Variants in ADGRG4 observed in about 807,000 individuals in gnomAD.
ADGRG4 encodes G protein-coupled receptor 112.
ADGRG4 carries 122 observed loss-of-function variants against 126.2 expected under a neutral mutation model. That is an observed-to-expected ratio of 0.97 (90% CI 0.83 to 1.12). ADGRG4 has a LOEUF of 1.12. Ranked by LOEUF, ADGRG4 falls within the 50% of genes most tolerant of loss-of-function variation. ADGRG4 has a pLI of 0.00. For missense variants in ADGRG4, 2,481 were observed against 2,251.8 expected (o/e 1.10, Z -2.06); for synonymous variants, 943 against 838.7 (o/e 1.12, Z -2.15).
intron 5 of ADGRG4, among the ~76,000 whole-genome samples, chrX:136,332,112 G>A (rs1263583646): frequency 1.9e-5 from 2 of 107,420 alleles, no homozygotes; most frequent in African/African-American, 3.4e-5. Context: ...ACACTAACTC[G>A]TCATCTAGCA....
chrX:136,325,998 AATGCACCCGGCCTCTTTC>A (rs2074870544), intron 5 of ADGRG4, among the ~76,000 whole-genome samples: 1 of 112,282 alleles, frequency 8.9e-6, no homozygotes, highest in Non-Finnish European at 1.9e-5. Context: ...GGCGTGAGCC[AATGCACCCGGCCTCTTTC>A]ATACACTTTT....
At chrX:136,320,239 T>C (rs1267940158) in intron 4 of ADGRG4, among the ~76,000 whole-genome samples, 2 of 112,420 alleles carry the variant, frequency 1.8e-5, no homozygotes, top group African/African-American at 6.5e-5. Context: ...TGGCAATAAA[T>C]ATCATTGTAC....
At position 136,405,917 on chromosome X, in the gene ADGRG4, G is replaced by C. The variant is rs751804465; in HGVS notation, c.8880G>C (p.Trp2960Cys). 2 of 1,161,849 alleles carry C rather than the reference G, an allele frequency of 1.7e-6. No individual in the cohort carries two copies. The highest frequency in any genetic ancestry group is 4.9e-5 in the Admixed American group (2 of 40,419). ...CCTGGGGGTTTGCATTTTTTGCTTG[G>C]GGACCCATGAGGAACTTTTTCTTGT... is the stretch of plus-strand genomic sequence containing the variant. ...GLTWGFAFFA[W>C]GPMRNFFLYL... Residue 2960 changes from tryptophan (W) to cysteine (C), a missense_variant, in exon 23 of 26, where the codon TGG becomes TGC. By Grantham distance (215) the Trp-to-Cys change is radical. Coordinates refer to ENST00000394143, the MANE Select transcript of ADGRG4 (RefSeq NM_153834.4).
At chrX:136,344,101 T>A (rs966470208) in intron 5 of ADGRG4, among the ~76,000 whole-genome samples, 1 of 112,039 alleles carries the variant, frequency 8.9e-6, no homozygotes, top group African/African-American at 3.2e-5. Context: ...CTAATCTTCT[T>A]AATCAATGCA....
intron 21 of ADGRG4, among the ~76,000 whole-genome samples, chrX:136,402,013 A>AT (rs1399477444): frequency 1.8e-5 from 2 of 112,335 alleles, no homozygotes; most frequent in Non-Finnish European, 3.8e-5. Flanking sequence ...ATGTGGATAC[A>AT]TGCACGGTCA....
chrX:136,380,132 G>T (rs2148486023), intron 15 of ADGRG4, among the ~76,000 whole-genome samples: 1 of 104,197 alleles, frequency 9.6e-6, no homozygotes, highest in African/African-American at 3.5e-5. Flanking sequence ...TGAAGTATAT[G>T]GTATGTGAGT....
At chrX:136,372,528 C>T (rs928902660) in intron 14 of ADGRG4, among the ~76,000 whole-genome samples, 2 of 111,946 alleles carry the variant, frequency 1.8e-5, no homozygotes, top group Non-Finnish European at 3.8e-5. Flanking sequence ...CTTTCCATTA[C>T]ACGTAGAATA....
At chrX:136,326,569 G>C (rs5929752) in intron 5 of ADGRG4, among the ~76,000 whole-genome samples, 45,844 of 110,200 alleles carry the variant, frequency 0.42, 7,055 homozygotes, top group Middle Eastern at 0.55. Context: ...TGTCTTAGAA[G>C]CTTCCTTTGG....
At position 136,393,580 on chromosome X, in the gene ADGRG4, A is replaced by G. The variant is rs1450064904; in HGVS notation, c.8080A>G (p.Asn2694Asp). Residue 2694 changes from asparagine to aspartate, a missense_variant and splice_region_variant, in exon 18 of 26, where the codon AAT becomes GAT. Physicochemically the swap from Asn to Asp is conservative, Grantham distance 23. Coordinates refer to ENST00000394143, the MANE Select transcript of ADGRG4 (RefSeq NM_153834.4). ...TGCCTTTTGGGATTTTGAGAATAAT[A>G]GTAAGTATTTTTGTTAGCAACTTTG... Reference protein sequence around the residue: ...HCAFWDFENNNGLGGWNSSGC... With the variant: ...HCAFWDFENNDGLGGWNSSGC... The G allele has an allele frequency of 8.4e-7, 1 of 1,194,450 alleles. No individual in the cohort carries two copies. The highest frequency in any genetic ancestry group is 3.0e-5 in the East Asian group (1 of 33,682).
At chrX:136,397,809 T>C in intron 19 of ADGRG4, 72 bp from the exon 20 acceptor site, 2 of 1,059,149 alleles carry the variant, frequency 1.9e-6, no homozygotes, top group Non-Finnish European at 2.6e-6. Context: ...TTCCTGTTAG[T>C]GAACACTGGA....
rs181211443 is a variant in ADGRG4, at chrX:136,322,512, T to C, written c.71-266T>C. Among the ~76,000 whole-genome samples the C allele has an allele frequency of 1.3e-4, 15 of 111,793 alleles. No homozygotes were observed. The East Asian group carries it at 3.7e-3, about 27-fold the overall frequency. On this transcript the variant is annotated intron_variant, in intron 4 of 25. Transcript: ENST00000394143. The stretch of plus-strand genomic sequence containing the variant: ...CTGCCTCTCCAAGCTGTCCAGCTGG[T>C]ATGTGCTCTGGGAACACTAATCTAA...
intron 10 of ADGRG4, 67 bp downstream of exon 10, chrX:136,357,823 T>G: frequency 2.6e-6 from 2 of 776,801 alleles, no homozygotes; most frequent in Non-Finnish European, 3.9e-6. Flanking sequence ...TCCATTTAAT[T>G]CTGCATGTGC....
intron 4 of ADGRG4, among the ~76,000 whole-genome samples, chrX:136,319,231 G>A (rs1039700959): frequency 2.7e-5 from 3 of 112,458 alleles, no homozygotes; most frequent in Non-Finnish European, 3.8e-5. Context: ...CAGAGGCTGC[G>A]GTGGGGCTCA....
At chrX:136,393,336 A>G (rs1160571350) in intron 17 of ADGRG4, among the ~76,000 whole-genome samples, 199 bp from the exon 18 acceptor site, 1 of 111,926 alleles carries the variant, frequency 8.9e-6, no homozygotes, top group Non-Finnish European at 1.9e-5. Context: ...TCACTTGTAA[A>G]TCCAGAGTTA....
intron 21 of ADGRG4, 28 bp downstream of exon 21, chrX:136,400,144 A>G (rs375032493): frequency 1.9e-4 from 203 of 1,078,287 alleles, no homozygotes; most frequent in Non-Finnish European, 2.5e-4. Flanking sequence ...TGTTTTTGAT[A>G]TTTATGTCTT....
chrX:136,301,428 G>T (rs2074698942), intron 1 of ADGRG4, among the ~76,000 whole-genome samples: 1 of 111,784 alleles, frequency 8.9e-6, no homozygotes, highest in Non-Finnish European at 1.9e-5. Context: ...ACTTTTTGAT[G>T]GGGTTGTTTG....
rs1248812580 is a variant in ADGRG4, at chrX:136,349,252, C to A, written c.5546C>A (p.Thr1849Asn). 8.4e-7 allele frequency: 1 copy of A among 1,195,938 alleles called. No individual in the cohort carries two copies. Among genetic ancestry groups the A allele is most frequent in the Non-Finnish European group, 1.1e-6 (1 of 883,335 alleles). Residue 1849 changes from threonine to asparagine, a missense_variant, in exon 6 of 26, where the codon ACT becomes AAT. Thr to Asn is a moderately conservative substitution (Grantham distance 65). Transcript: ENST00000394143. ...CATAGTACTGAAGCTGAGATCTCTA[C>A]TCCAAAGACCTCTCCTCCTCCCACA... ...SPHSTEAEISTPKTSPPPTSQ... is the reference protein window; with the variant it reads ...SPHSTEAEISNPKTSPPPTSQ...
chrX:136,353,906 T>A lies in ADGRG4; in HGVS notation c.6887+505T>A, dbSNP rs183292964. ...AGTGAAATGGGCAGGCACTGAGTAG[T>A]ATCATGGAAACTATGGCAAAGGCAA... On this transcript the variant is annotated intron_variant, in intron 8 of 25. Coordinates refer to ENST00000394143, the MANE Select transcript of ADGRG4 (RefSeq NM_153834.4). Among the ~76,000 whole-genome samples the A allele has an allele frequency of 6.3e-5, 7 of 111,890 alleles. No homozygotes were observed. In the East Asian group the frequency reaches 2.0e-3, roughly 32 times the overall value.
chrX:136,314,964 G>A (rs1416493548), intron 4 of ADGRG4, among the ~76,000 whole-genome samples: 1 of 111,798 alleles, frequency 8.9e-6, no homozygotes, highest in East Asian at 2.8e-4. Context: ...ACCTATGTGA[G>A]GATAATTCCT....
Sources: gnomAD v4.1 joint callset for allele counts (sites outside exome capture counted in the v4.1 genomes callset) on GRCh38, gnomAD v4.1.1 for gene constraint, MANE v1.5 for transcripts, NCBI Gene and HGNC (gene_info 2026-07-23, HGNC 2026-07-21) for gene names.